The following CMPK2 variants were observed in gnomAD, a reference collection of about 807,000 sequenced individuals.
CMPK2 encodes the protein UMP-CMP kinase 2, mitochondrial.
A neutral mutation model predicts 33.4 loss-of-function variants in CMPK2; 32 were observed. The ratio of observed to expected loss-of-function variants is 0.96; its 90% CI spans 0.72 to 1.29. The LOEUF is 1.29. CMPK2 is among the 50% of genes most tolerant of loss of function. The pLI, the probability that CMPK2 is intolerant of heterozygous loss-of-function variation, is 0.00. For missense variants in CMPK2, 672 were observed against 616.0 expected, an observed-to-expected ratio of 1.09 and a Z score of -0.96; for synonymous variants, 299 against 275.3, an observed-to-expected ratio of 1.09 and a Z score of -0.85.
chr2:6,858,360 C>T (rs1313964548), intron 3 of CMPK2, among the ~76,000 whole-genome samples: 1 of 152,088 alleles, frequency 6.6e-6, no homozygotes, highest in Non-Finnish European at 1.5e-5. Flanking sequence ...TATTATCTTA[C>T]CTCATCTTAT....
chr2:6,854,171 T>A (rs982828809), intron 3 of CMPK2, among the ~76,000 whole-genome samples: 4 of 152,210 alleles, frequency 2.6e-5, no homozygotes, highest in Non-Finnish European at 5.9e-5. Context: ...GTACTTAAAC[T>A]ATAATTTACA....
intron 3 of CMPK2, 39 bp downstream of exon 3, chr2:6,861,145 A>C (rs1662868024): frequency 7.1e-7 from 1 of 1,406,014 alleles, no homozygotes; most frequent in Admixed American, 1.7e-5. Context: ...CTTATATATT[A>C]GGGAGAAAAT....
chr2:6,841,942 G>A (rs1662243226), intron 3 of CMPK2, among the ~76,000 whole-genome samples: 1 of 152,170 alleles, frequency 6.6e-6, no homozygotes, highest in South Asian at 2.1e-4. Context: ...AACCAGGAAA[G>A]CATACTTAGA....
intron 2 of CMPK2, among the ~76,000 whole-genome samples, chr2:6,862,804 C>A (rs148048512): frequency 6.6e-6 from 1 of 152,138 alleles, no homozygotes; most frequent in Non-Finnish European, 1.5e-5. Flanking sequence ...AAGTCTGTAC[C>A]CCTCAAGTTT....
At chr2:6,853,815 TG>T (rs1430513320) in intron 3 of CMPK2, among the ~76,000 whole-genome samples, 1 of 151,690 alleles carries the variant, frequency 6.6e-6, no homozygotes, top group Non-Finnish European at 1.5e-5. Flanking sequence ...GGCAGGAGAA[TG>T]GCGTGAACCC....
downstream of CMPK2, among the ~76,000 whole-genome samples, chr2:6,845,812 T>TTTTTTAAAAAATCCCA (rs1266071850): frequency 6.6e-6 from 1 of 152,214 alleles, no homozygotes; most frequent in Non-Finnish European, 1.5e-5. Flanking sequence ...ATAAAATTCC[T>TTTTTTAAAAAATCCCA]TTTTTAAAAA....
At chr2:6,863,434 GC>G in intron 2 of CMPK2, 29 bp downstream of exon 2, 2 of 1,561,350 alleles carry the variant, frequency 1.3e-6, no homozygotes, top group Non-Finnish European at 1.8e-6. Flanking sequence ...TAGTGTCATT[GC>G]CTATAACTAA....
intron 4 of CMPK2, chr2:6,850,928 TC>T: frequency 1.0e-6 from 1 of 990,876 alleles, no homozygotes; most frequent in South Asian, 4.6e-5. Context: ...GGCTGCAAAA[TC>T]AGAAAGATTT....
Position 6,848,368 on chromosome 2 carries a change from CATTA to C in CMPK2, c.*1478_*1481del. 5 of 985,238 alleles carry C rather than the reference CATTA, an allele frequency of 5.1e-6. No homozygotes were observed. Among genetic ancestry groups the C allele is most frequent in the South Asian group, 9.4e-5 (2 of 21,286 alleles). 61.0% of individuals were successfully genotyped at this position (985,238 alleles called of 1,614,324 possible). ...TTCATGTGCCAGGGACATAAAGATA[CATTA>C]ATTGTTTGTTTTTCTAGGCTGCCAG... On this transcript the variant is annotated 3_prime_UTR_variant, in exon 5 of 5. Transcript: ENST00000256722.
Position 6,849,578 on chromosome 2 carries a change from A to G in CMPK2, c.*272T>C. 1.7e-6 allele frequency: 2 copies of G among 1,207,534 alleles called. No individual in the cohort carries two copies. The highest frequency in any genetic ancestry group is 4.2e-5 in the South Asian group (2 of 47,720). 74.8% of individuals were successfully genotyped at this position (1,207,534 alleles called of 1,614,324 possible). A position where few individuals can be genotyped will look rare whatever the true frequency, so the allele number is the denominator to read the frequency against. On this transcript the variant is annotated 3_prime_UTR_variant, in exon 5 of 5. Coordinates refer to ENST00000256722, the MANE Select transcript of CMPK2 (RefSeq NM_207315.4). ...CAGATATTTGGTAGTGATTAAGTGAAACATATGTTCCAAGAAAATGTTTAC... is the reference window on the plus strand; with the variant it reads ...CAGATATTTGGTAGTGATTAAGTGAGACATATGTTCCAAGAAAATGTTTAC...
In CMPK2 at chr2:6,865,618, TG is replaced by T; in HGVS notation, c.78del (p.Met27TrpfsTer21). ...LLGRRGVCAG[A>X]MAPPRRFVLE... is the part of the protein sequence containing the mutation. ...AGGACGAAGCGGCGCGGCGGAGCCATGGCCCCAGCGCAGACCCCGCGCCGCC... is the reference window on the plus strand; with the variant it reads ...AGGACGAAGCGGCGCGGCGGAGCCATGCCCCAGCGCAGACCCCGCGCCGCC... On this transcript the variant is annotated frameshift_variant, in exon 1 of 5. Coordinates refer to ENST00000256722, the MANE Select transcript of CMPK2 (RefSeq NM_207315.4). LOFTEE classifies it high-confidence loss of function. The T allele has an allele frequency of 7.2e-7, 1 of 1,393,870 alleles. No individual in the cohort carries two copies. The highest frequency in any genetic ancestry group is 9.3e-7 in the Non-Finnish European group (1 of 1,073,992). The allele number at this position is 1,393,870 out of a possible 1,614,324, so 86.3% of individuals were successfully genotyped here.
downstream of CMPK2, among the ~76,000 whole-genome samples, chr2:6,845,564 G>T (rs1403050026): frequency 1.3e-5 from 2 of 152,202 alleles, no homozygotes; most frequent in Admixed American, 6.5e-5. Context: ...CAGTAGGGCA[G>T]GACTAGTCAT....
chr2:6,840,910 C>T (rs1572127885), intron 3 of CMPK2, among the ~76,000 whole-genome samples: 1 of 152,136 alleles, frequency 6.6e-6, no homozygotes, highest in African/African-American at 2.4e-5. Context: ...AGGAACACCC[C>T]TTCAACCCCA....
At chr2:6,851,976 C>A (rs1662538286) in intron 3 of CMPK2, among the ~76,000 whole-genome samples, 1 of 152,192 alleles carries the variant, frequency 6.6e-6, no homozygotes, top group Non-Finnish European at 1.5e-5. Context: ...TTTGGTCCTG[C>A]TGTCCGCATT....
intron 3 of CMPK2, among the ~76,000 whole-genome samples, chr2:6,841,277 A>T (rs537682671): frequency 1.1e-4 from 17 of 152,154 alleles, no homozygotes; most frequent in Non-Finnish European, 2.5e-4. Context: ...ACCCACAACA[A>T]GAGGTGCTGA....
At chr2:6,864,381 T>A (rs1433671388) in intron 1 of CMPK2, 1 of 152,230 alleles carries the variant, frequency 6.6e-6, no homozygotes. Flanking sequence ...TTGGAAAATA[T>A]TCCCAAGATC....
At chr2:6,864,782 A>T (rs1338987370) in intron 1 of CMPK2, among the ~76,000 whole-genome samples, 1 of 152,180 alleles carries the variant, frequency 6.6e-6, no homozygotes, top group Non-Finnish European at 1.5e-5. Flanking sequence ...ATGCTTTTAC[A>T]GCAAGCATCG....
rs565436487 is a variant in CMPK2, at chr2:6,849,631, C to G, written c.*219G>C. 1.5e-6 allele frequency: 2 copies of G among 1,353,880 alleles called. No individual in the cohort carries two copies. The highest frequency in any genetic ancestry group is 1.9e-6 in the Non-Finnish European group (2 of 1,059,038). The allele number at this position is 1,353,880 out of a possible 1,614,324, so 83.9% of individuals were successfully genotyped here. A position where few individuals can be genotyped will look rare whatever the true frequency, so the allele number is the denominator to read the frequency against. ...TGCCAGGAAGAAAGCAATCGCTGGC[C>G]TCTCACTGGAACATGATGAGAGGGA... is the stretch of plus-strand genomic sequence containing the variant. On this transcript the variant is annotated 3_prime_UTR_variant, in exon 5 of 5. Transcript: ENST00000256722.
At chr2:6,855,799 C>T (rs1662688598) in intron 3 of CMPK2, among the ~76,000 whole-genome samples, 1 of 152,158 alleles carries the variant, frequency 6.6e-6, no homozygotes, top group Admixed American at 6.5e-5. Context: ...CCCTCCCCCA[C>T]CACACACTTT....
Sources: gnomAD v4.1 joint callset for allele counts (sites outside exome capture counted in the v4.1 genomes callset) on GRCh38, gnomAD v4.1.1 for gene constraint, MANE v1.5 for transcripts, NCBI Gene and HGNC (gene_info 2026-07-23, HGNC 2026-07-21) for gene names.